The following C10orf105 variants were observed in gnomAD, a reference collection of about 807,000 sequenced individuals.
C10orf105 encodes the protein uncharacterized protein C10orf105.
Under a neutral mutation model 0.6 loss-of-function variants are expected in C10orf105, and 2 were observed. The observed-to-expected ratio is 3.18, with a 90% CI of 1.30 to 10.01. The LOEUF (loss-of-function observed/expected upper bound fraction) is 10.01, where lower values mean the gene tolerates loss of function less well. Ranked by LOEUF, C10orf105 falls within the 30% of genes most tolerant of loss-of-function variation. The pLI is 0.04. For missense variants in C10orf105, 209 were observed against 191.4 expected (o/e 1.09, Z -0.54); for synonymous variants, 95 against 82.4 (o/e 1.15, Z -0.83).
chr10:71,729,673 TCTA>T (rs1451061769), intron 1 of C10orf105, among the ~76,000 whole-genome samples: 1 of 152,196 alleles, frequency 6.6e-6, no homozygotes, highest in Non-Finnish European at 1.5e-5. Context: ...ACTGACATTC[TCTA>T]CTACAACTGC....
rs373422805 is a variant in C10orf105, at chr10:71,730,533, G to A, written c.-6+7195C>T. The A allele has an allele frequency of 2.0e-5, 33 of 1,613,950 alleles. No homozygotes were observed. The highest frequency in any genetic ancestry group is 8.9e-5 in the East Asian group (4 of 44,888). The stretch of plus-strand genomic sequence containing the variant: ...GTGTTCACACAGCAGCAGTACAGCC[G>A]TCTGGGGCTTCGAGAGACCGCAGGC... On this transcript the variant is annotated intron_variant, in intron 1 of 1. Coordinates refer to the C10orf105 transcript ENST00000398786.
chr10:71,723,754 T>G (rs1866675662), upstream of C10orf105, among the ~76,000 whole-genome samples: 1 of 152,166 alleles, frequency 6.6e-6, no homozygotes, highest in South Asian at 2.1e-4. Flanking sequence ...CCCAGCGAGC[T>G]GCAGTGCCAT....
chr10:71,727,154 GC>G (rs1866851129), intron 1 of C10orf105, among the ~76,000 whole-genome samples: 1 of 152,204 alleles, frequency 6.6e-6, no homozygotes, highest in South Asian at 2.1e-4. Flanking sequence ...TATGAAGTAG[GC>G]ACTGTTAATA....
At chr10:71,724,617 C>G (rs1564759029), upstream of C10orf105, among the ~76,000 whole-genome samples, 2 of 152,170 alleles carry the variant, frequency 1.3e-5, no homozygotes, top group Non-Finnish European at 2.9e-5. Context: ...CTTTTGATTG[C>G]CGTGTTCCTG....
At position 71,713,518 on chromosome 10, in the gene C10orf105, T is replaced by G; in HGVS notation, c.*2418A>C. On this transcript the variant is annotated 3_prime_UTR_variant, in exon 2 of 2. Coordinates refer to ENST00000441508, the MANE Select transcript of C10orf105 (RefSeq NM_001164375.3). The stretch of plus-strand genomic sequence containing the variant: ...CAGAAGCGTGGGAGGCTGGCAATGC[T>G]CCCCTCCCTGCATCGGGACCAGGAG... 1 of 525,238 alleles carries G rather than the reference T, an allele frequency of 1.9e-6. No homozygotes were observed. Among genetic ancestry groups the G allele is most frequent in the Non-Finnish European group, 3.4e-6 (1 of 293,582 alleles). The allele number at this position is 525,238 out of a possible 1,614,324, so 32.5% of individuals were successfully genotyped here.
At position 71,716,085 on chromosome 10, in the gene C10orf105, G is replaced by A; in HGVS notation, c.253C>T (p.Pro85Ser). Residue 85 changes from proline (P) to serine (S), a missense_variant, in exon 2 of 2, where the codon CCC (proline) becomes TCC (serine). Physicochemically the swap from Pro to Ser is moderately conservative, Grantham distance 74 (BLOSUM62 -1). Transcript: ENST00000441508. ...MPHHPGSPSE[P>S]QLRLWKRLGS... Reference sequence around the variant, plus strand: ...AGGCGCTTCCAGAGCCGGAGCTGGGGCTCACTGGGGCTCCCAGGGTGGTGG... The same window carrying A: ...AGGCGCTTCCAGAGCCGGAGCTGGGACTCACTGGGGCTCCCAGGGTGGTGG... 2 of 1,527,956 alleles carry A rather than the reference G, an allele frequency of 1.3e-6. No individual in the cohort carries two copies. Among genetic ancestry groups the A allele is most frequent in the Non-Finnish European group, 1.8e-6 (2 of 1,133,906 alleles). The allele number at this position is 1,527,956 out of a possible 1,614,324, so 94.6% of individuals were successfully genotyped here. A position where few individuals can be genotyped will look rare whatever the true frequency, so the allele number is the denominator to read the frequency against.
intron 1 of C10orf105, chr10:71,730,627 G>A (rs370970091): frequency 3.8e-5 from 61 of 1,612,804 alleles, no homozygotes; most frequent in African/African-American, 3.3e-4. Context: ...GGAGGAAGCC[G>A]GGGATCCCAT....
chr10:71,724,079 G>A, upstream of C10orf105: 1 of 1,559,962 alleles, frequency 6.4e-7, no homozygotes, highest in Non-Finnish European at 8.7e-7. Flanking sequence ...GGCGAGTTTG[G>A]GCGTGTGTGG....
At chr10:71,719,500 C>T (rs931739231) in intron 1 of C10orf105, 127 bp downstream of exon 1, 1 of 152,478 alleles carries the variant, frequency 6.6e-6, no homozygotes, top group East Asian at 1.9e-4. Flanking sequence ...CCTTGTTTCC[C>T]CTCTCTACAG....
rs1410108291 is a variant in C10orf105, at chr10:71,732,122, C to T, written c.-6+5606G>A. 3.7e-6 allele frequency: 6 copies of T among 1,613,890 alleles called. No individual in the cohort carries two copies. Among genetic ancestry groups the T allele is most frequent in the East Asian group, 2.2e-5 (1 of 44,896 alleles). ...AAGACCAGCTACATGATGAATGTGT[C>T]GGCCACTGACCAGGCCCCGCCCTTC... On this transcript the variant is annotated intron_variant, in intron 1 of 1. Coordinates refer to the C10orf105 transcript ENST00000398786.
At chr10:71,724,443 G>A (rs1866716037), upstream of C10orf105, among the ~76,000 whole-genome samples, 1 of 152,228 alleles carries the variant, frequency 6.6e-6, no homozygotes, top group South Asian at 2.1e-4. Flanking sequence ...GTCCCCAGTA[G>A]CTGGGACTAC....
intron 1 of C10orf105, among the ~76,000 whole-genome samples, chr10:71,718,494 G>A (rs1224730502): frequency 6.6e-6 from 1 of 152,242 alleles, no homozygotes; most frequent in Non-Finnish European, 1.5e-5. Flanking sequence ...AGAGCACTCT[G>A]GCTGGGCAGC....
At chr10:71,732,673 T>C in intron 1 of C10orf105, 1 of 1,359,198 alleles carries the variant, frequency 7.4e-7, no homozygotes, top group Non-Finnish European at 9.5e-7. Context: ...TCAATATCCC[T>C]GTAACACATC....
At chr10:71,721,159 G>A (rs1160078390), upstream of C10orf105, among the ~76,000 whole-genome samples, 1 of 152,220 alleles carries the variant, frequency 6.6e-6, no homozygotes, top group African/African-American at 2.4e-5. Flanking sequence ...ACCATGGATA[G>A]GCATGCAAGG....
intron 1 of C10orf105, among the ~76,000 whole-genome samples, chr10:71,728,984 T>A (rs1866938221): frequency 6.6e-6 from 1 of 151,882 alleles, no homozygotes; most frequent in South Asian, 2.1e-4. Flanking sequence ...GTGCGTGCTA[T>A]CACCCCTGGC....
chr10:71,726,794 T>C (rs770248854), intron 1 of C10orf105, among the ~76,000 whole-genome samples: 16 of 152,238 alleles, frequency 1.1e-4, no homozygotes, highest in Non-Finnish European at 2.4e-4. Flanking sequence ...ACTTCAGGCT[T>C]CCTAACCACA....
intron 1 of C10orf105, chr10:71,717,777 AT>A (rs923095240): frequency 3.3e-5 from 5 of 152,304 alleles, no homozygotes; most frequent in African/African-American, 1.2e-4. Context: ...AGAAATCTGG[AT>A]TTTTTTAAAG....
chr10:71,725,428 C>T, intron 1 of C10orf105: 1 of 1,614,042 alleles, frequency 6.2e-7, no homozygotes, highest in Non-Finnish European at 8.5e-7. Flanking sequence ...GATGCGAGGG[C>T]CCCGGCCCCT....
At chr10:71,723,562 C>T (rs537559418), upstream of C10orf105, among the ~76,000 whole-genome samples, 5 of 152,262 alleles carry the variant, frequency 3.3e-5, no homozygotes, top group South Asian at 2.1e-4. Context: ...TGGGCTTCCA[C>T]GAAGTGACCG....
Sources: allele counts gnomAD v4.1 joint callset (sites outside exome capture counted in the v4.1 genomes callset), GRCh38; gene constraint gnomAD v4.1.1; transcripts MANE v1.5; gene names NCBI Gene and HGNC (gene_info 2026-07-23, HGNC 2026-07-21).